JAKMIP3: variants seen among roughly 807,000 people sequenced by gnomAD.
JAKMIP3 encodes the protein janus kinase and microtubule-interacting protein 3.
In JAKMIP3, 58 loss-of-function variants were observed where a neutral mutation model predicts 118.5. That is an observed-to-expected ratio of 0.49 (90% CI 0.40 to 0.61). The LOEUF is 0.61. JAKMIP3 is among the 20% of genes least tolerant of loss of function. The pLI is 0.00. For missense variants in JAKMIP3, 950 were observed against 1,109.0 expected, an observed-to-expected ratio of 0.86 and a Z score of 2.04; for synonymous variants, 486 against 451.2, an observed-to-expected ratio of 1.08 and a Z score of -0.98.
chr10:132,160,476 A>AGG (rs1491341015), intron 19 of JAKMIP3, among the ~76,000 whole-genome samples: 1 of 1,094 alleles, frequency 9.1e-4, no homozygotes, highest in Non-Finnish European at 1.5e-3. Context: ...ATGCTGGGGG[A>AGG]CCTCTCCCTG....
chr10:132,144,998 C>T, intron 11 of JAKMIP3, 109 bp from the exon 12 acceptor site: 1 of 821,116 alleles, frequency 1.2e-6, no homozygotes, highest in East Asian at 2.7e-5. Flanking sequence ...ACAGTCACTT[C>T]TCAATGAACT....
chr10:132,069,172 T>A (rs2039416991), intron 1 of JAKMIP3, among the ~76,000 whole-genome samples: 1 of 152,102 alleles, frequency 6.6e-6, no homozygotes, highest in South Asian at 2.1e-4. Context: ...ACCTGCCTGG[T>A]GGGTGGTTGA....
At chr10:132,037,032 T>C (rs1022177263) in intron 1 of JAKMIP3, among the ~76,000 whole-genome samples, 4 of 152,148 alleles carry the variant, frequency 2.6e-5, no homozygotes, top group Non-Finnish European at 5.9e-5. Context: ...GGGCCAGGGC[T>C]GGGGACCCGC....
intron 11 of JAKMIP3, 123 bp from the exon 12 acceptor site, chr10:132,144,984 G>C (rs1317322116): frequency 2.7e-6 from 2 of 729,358 alleles, no homozygotes; most frequent in East Asian, 5.5e-5. Context: ...CAAAGGAAGG[G>C]CGAACAGTCA....
chr10:132,056,802 C>G (rs1394518789), intron 1 of JAKMIP3, among the ~76,000 whole-genome samples: 1 of 152,188 alleles, frequency 6.6e-6, no homozygotes, highest in African/African-American at 2.4e-5. Context: ...GGCATCGCCA[C>G]CCACACCCAC....
chr10:132,041,217 A>G (rs1352812775), intron 1 of JAKMIP3, among the ~76,000 whole-genome samples: 1 of 152,162 alleles, frequency 6.6e-6, no homozygotes, highest in Admixed American at 6.5e-5. Context: ...CACCATGTCC[A>G]GCTAATTGAC....
intron 1 of JAKMIP3, among the ~76,000 whole-genome samples, chr10:132,078,739 G>GT (rs1483474746): frequency 2.0e-5 from 3 of 152,076 alleles, no homozygotes; most frequent in South Asian, 2.1e-4. Flanking sequence ...CTAGAGAATT[G>GT]TTTTTCTGTT....
intron 19 of JAKMIP3, among the ~76,000 whole-genome samples, chr10:132,156,075 A>C (rs912255811): frequency 2.0e-5 from 3 of 152,194 alleles, no homozygotes; most frequent in Non-Finnish European, 2.9e-5. Context: ...GAGGCCCCTC[A>C]GTGCCCCAGA....
At chr10:132,070,877 C>G (rs113990421) in intron 1 of JAKMIP3, among the ~76,000 whole-genome samples, 1 of 152,184 alleles carries the variant, frequency 6.6e-6, no homozygotes, top group Non-Finnish European at 1.5e-5. Context: ...GGGCTTGCAG[C>G]TCCCATCCAT....
At chr10:132,127,417 T>TGTGTGC (rs34435836) in intron 3 of JAKMIP3, among the ~76,000 whole-genome samples, 1,795 of 150,050 alleles carry the variant, frequency 0.012, 44 homozygotes, top group African/African-American at 0.041. Flanking sequence ...TGTGTGTGTG[T>TGTGTGC]GCGTGTGTGT....
intron 16 of JAKMIP3, 80 bp downstream of exon 16, chr10:132,150,121 G>A: frequency 2.6e-6 from 3 of 1,175,620 alleles, no homozygotes; most frequent in East Asian, 5.7e-5. Context: ...AGGAGGCCCT[G>A]CCAGCCTCCC....
intron 16 of JAKMIP3, among the ~76,000 whole-genome samples, chr10:132,152,498 C>T (rs1203210591): frequency 1.3e-5 from 2 of 152,188 alleles, no homozygotes; most frequent in Non-Finnish European, 2.9e-5. Flanking sequence ...CAAAACCTTC[C>T]AGGGATTCAG....
chr10:132,164,712 C>T lies in JAKMIP3; in HGVS notation c.2467C>T (p.Gln823Ter). Residue 823 changes from glutamine to a stop codon, truncating the protein, a stop_gained, in exon 21 of 24, where the codon CAA becomes TAA. Coordinates refer to ENST00000684848, the MANE Select transcript of JAKMIP3 (RefSeq NM_001323087.2). LOFTEE classifies it high-confidence loss of function. ...LEERIEAQKR[Q>*]IKELEEKFLF... The stretch of plus-strand genomic sequence containing the variant: ...AGAAAGAATAGAAGCTCAGAAGAGA[C>T]AAATAAAGGAACTGGAGGAAAAGGT... 1 of 1,603,632 alleles carries T rather than the reference C, an allele frequency of 6.2e-7. No individual in the cohort carries two copies. Among genetic ancestry groups the T allele is most frequent in the African/African-American group, 1.3e-5 (1 of 74,860 alleles).
At chr10:132,098,145 C>T (rs979340958) in intron 1 of JAKMIP3, among the ~76,000 whole-genome samples, 11 of 151,684 alleles carry the variant, frequency 7.3e-5, no homozygotes, top group Non-Finnish European at 1.6e-4. Context: ...AAGCGATCCT[C>T]CCGCCTCAGC....
intron 1 of JAKMIP3, among the ~76,000 whole-genome samples, chr10:132,097,962 T>C (rs1589803394): frequency 2.8e-4 from 7 of 24,936 alleles, no homozygotes; most frequent in Admixed American, 4.1e-4. Flanking sequence ...CCCCTTTCCC[T>C]TTCCTTCCTT....
At chr10:132,145,955 G>A (rs1201588604) in intron 13 of JAKMIP3, among the ~76,000 whole-genome samples, 2 of 152,222 alleles carry the variant, frequency 1.3e-5, no homozygotes, top group Non-Finnish European at 2.9e-5. Context: ...GGCTGGGTCA[G>A]GGAAGTCTCC....
rs141495929 is a variant in JAKMIP3 at position 132,150,712 on chromosome 10, G to A, written c.2007+671G>A. On this transcript the variant is annotated intron_variant, in intron 16 of 23. Transcript: ENST00000684848. ...TCCGTCCTCCATAATCCATCTATCC[G>A]TCCTCCATAATCCATCTATCCGTCC... 3.0e-3 allele frequency among the ~76,000 whole-genome samples: 440 copies of A among 148,442 alleles called. 1 individual carries two copies. Among genetic ancestry groups the A allele is most frequent in the African/African-American group, 0.01 (417 of 40,180 alleles).
chr10:132,135,589 C>T (rs1055669304), intron 5 of JAKMIP3, among the ~76,000 whole-genome samples: 6 of 152,236 alleles, frequency 3.9e-5, no homozygotes, highest in East Asian at 1.9e-4. Flanking sequence ...CAAGACAAAG[C>T]GCTGGCCCCA....
chr10:132,061,121 T>A (rs1196340179), upstream of JAKMIP3, among the ~76,000 whole-genome samples: 1 of 152,172 alleles, frequency 6.6e-6, no homozygotes, highest in African/African-American at 2.4e-5. Context: ...TGAGTAACAG[T>A]CCTGAGCACC....
Sources: gnomAD v4.1 joint callset for allele counts (sites outside exome capture counted in the v4.1 genomes callset) on GRCh38, gnomAD v4.1.1 for gene constraint, MANE v1.5 for transcripts, NCBI Gene and HGNC (gene_info 2026-07-23, HGNC 2026-07-21) for gene names.